The following NBEA variants were observed in gnomAD, a reference collection of about 807,000 sequenced individuals.
The protein encoded by NBEA is neurobeachin, also known as lysosomal-trafficking regulator 2.
In NBEA, 44 loss-of-function variants were observed where a neutral mutation model predicts 343.4. That is an observed-to-expected ratio of 0.13 (90% confidence interval 0.10 to 0.16). The LOEUF is 0.16. NBEA is among the 10% of genes least tolerant of loss of function. The pLI is 1.00. For synonymous variants in NBEA, 1,175 were observed against 1,238.7 expected, an observed-to-expected ratio of 0.95 and a Z score of 1.08; for missense variants, 2,555 against 3,631.3, an observed-to-expected ratio of 0.70 and a Z score of 7.62.
At chr13:35,598,655 T>C (rs940172585) in intron 47 of NBEA, among the ~76,000 whole-genome samples, 1 of 152,216 alleles carries the variant, frequency 6.6e-6, no homozygotes, top group African/African-American at 2.4e-5. Context: ...TGAATTAGGA[T>C]ACTGTTTATA....
At chr13:35,027,304 G>C (rs899451696) in intron 1 of NBEA, among the ~76,000 whole-genome samples, 3 of 151,620 alleles carry the variant, frequency 2.0e-5, no homozygotes, top group Non-Finnish European at 2.9e-5. Flanking sequence ...TGTATGTTTA[G>C]TTTTGTAATA....
intron 40 of NBEA, among the ~76,000 whole-genome samples, chr13:35,465,695 A>AC (rs2075360466): frequency 6.6e-6 from 1 of 152,206 alleles, no homozygotes; most frequent in Non-Finnish European, 1.5e-5. Context: ...CTGAACATTG[A>AC]AACTATCACT....
In NBEA at chr13:35,382,693, T is replaced by C. The variant is rs554793982; in HGVS notation, c.6179+30370T>C. Among the ~76,000 whole-genome samples, 29 of 152,336 alleles carry C rather than the reference T, an allele frequency of 1.9e-4. No individual in the cohort carries two copies. The East Asian group carries it at 3.1e-3, about 16-fold the overall frequency. ...TGTTTTTTAAATCACAACTTTTTAA[T>C]AGGTTTACATTTTCCAAAAAGTGTA... On this transcript the variant is annotated intron_variant, in intron 38 of 58. Transcript: ENST00000379939.
chr13:35,606,569 C>T lies in NBEA; in HGVS notation c.7440C>T (p.Ile2480=). The change falls in exon 48 of 59, where the codon ATC becomes ATT. Residue 2480 remains isoleucine, a synonymous_variant. Coordinates refer to ENST00000379939, the MANE Select transcript of NBEA (RefSeq NM_001385012.1). ...AAAAACCTGAAGACTTTGTGCGGAT[C>T]AACAGGATGGTAAGAGAGATTTTGC... ...WAKKPEDFVR[I]NRMALESEFV... 1 of 1,600,574 alleles carries T rather than the reference C, an allele frequency of 6.2e-7. No individual in the cohort carries two copies. Among genetic ancestry groups the T allele is most frequent in the Non-Finnish European group, 8.5e-7 (1 of 1,171,566 alleles).
At chr13:35,648,110 A>G (rs2084327920) in intron 51 of NBEA, among the ~76,000 whole-genome samples, 1 of 140,844 alleles carries the variant, frequency 7.1e-6, no homozygotes, top group Non-Finnish European at 1.5e-5. Context: ...ACTCCTGGGG[A>G]CCCTCAGTCT....
chr13:34,970,442 T>A (rs559968779), intron 1 of NBEA, among the ~76,000 whole-genome samples: 29 of 152,320 alleles, frequency 1.9e-4, no homozygotes, highest in African/African-American at 7.0e-4. Context: ...GTCTTCATCA[T>A]GAAATCTTTG....
rs71078077 is a variant in NBEA, at chr13:35,059,743, C to CATATAT, written c.1239+892_1239+897dup. ...TGCATTGGTATTTCTCTTTGTATGT[C>CATATAT]ATATATATATATATATACAGAGAGA... On this transcript the variant is annotated intron_variant, in intron 8 of 58. Coordinates refer to ENST00000379939, the MANE Select transcript of NBEA (RefSeq NM_001385012.1). 5.1e-4 allele frequency among the ~76,000 whole-genome samples: 75 copies of CATATAT among 145,858 alleles called. 1 individual carries two copies. The highest frequency in any genetic ancestry group is 3.6e-3 in the East Asian group (18 of 5,034).
intron 1 of NBEA, among the ~76,000 whole-genome samples, chr13:34,984,907 G>A (rs1265935689): frequency 6.6e-6 from 1 of 151,078 alleles, no homozygotes; most frequent in African/African-American, 2.4e-5. Context: ...AGACTTTGCT[G>A]AAGTTGCTTA....
At chr13:35,668,985 T>G (rs1308236361) in intron 58 of NBEA, among the ~76,000 whole-genome samples, 1 of 152,234 alleles carries the variant, frequency 6.6e-6, no homozygotes, top group Non-Finnish European at 1.5e-5. Flanking sequence ...CACTCACGCA[T>G]TACCCAGAAC....
At chr13:35,489,758 G>A (rs1594792527) in intron 41 of NBEA, among the ~76,000 whole-genome samples, 1 of 151,734 alleles carries the variant, frequency 6.6e-6, no homozygotes, top group East Asian at 1.9e-4. Context: ...TAATAGCATA[G>A]AAAATATAAA....
intron 34 of NBEA, among the ~76,000 whole-genome samples, chr13:35,276,738 T>C (rs2034613131): frequency 6.6e-6 from 1 of 152,198 alleles, no homozygotes; most frequent in Admixed American, 6.5e-5. Flanking sequence ...CCAAGTAATT[T>C]ATATACTTAT....
intron 38 of NBEA, among the ~76,000 whole-genome samples, chr13:35,366,370 A>G (rs1043977139): frequency 6.6e-6 from 1 of 151,350 alleles, no homozygotes; most frequent in Non-Finnish European, 1.5e-5. Flanking sequence ...TATATATTAT[A>G]TTTTCTGATA....
intron 1 of NBEA, among the ~76,000 whole-genome samples, chr13:34,962,322 G>A (rs1432439528): frequency 6.6e-6 from 1 of 151,790 alleles, no homozygotes; most frequent in Non-Finnish European, 1.5e-5. Flanking sequence ...CCTTTATATT[G>A]TTCAAGTCAT....
chr13:35,151,029 AGCTTG>A (rs2152703856), intron 18 of NBEA, among the ~76,000 whole-genome samples: 1 of 151,606 alleles, frequency 6.6e-6, no homozygotes, highest in African/African-American at 2.4e-5. Flanking sequence ...GAAGTAGAAT[AGCTTG>A]AACCTGGGAG....
chr13:34,970,103 A>G (rs966755558), intron 1 of NBEA, among the ~76,000 whole-genome samples: 8 of 152,012 alleles, frequency 5.3e-5, no homozygotes, highest in Admixed American at 3.9e-4. Context: ...CTGGTGTGAG[A>G]TTGTATCTCA....
chr13:35,341,713 A>G (rs2039595462), intron 36 of NBEA, among the ~76,000 whole-genome samples: 1 of 152,072 alleles, frequency 6.6e-6, no homozygotes, highest in African/African-American at 2.4e-5. Flanking sequence ...ATAATGTTTA[A>G]AACAGACAAC....
At chr13:35,054,934 G>A (rs2063197632) in intron 6 of NBEA, among the ~76,000 whole-genome samples, 1 of 151,888 alleles carries the variant, frequency 6.6e-6, no homozygotes, top group Non-Finnish European at 1.5e-5. Flanking sequence ...ATGAGCCACC[G>A]TGCCCAGCCT....
chr13:35,668,774 C>T (rs757257385), intron 58 of NBEA, among the ~76,000 whole-genome samples: 9 of 152,210 alleles, frequency 5.9e-5, no homozygotes, highest in Non-Finnish European at 1.0e-4. Flanking sequence ...GGGCCCAAGA[C>T]ATAGAACTTA....
chr13:35,183,426 C>G (rs1224945418), intron 29 of NBEA, among the ~76,000 whole-genome samples: 1 of 152,022 alleles, frequency 6.6e-6, no homozygotes, highest in Non-Finnish European at 1.5e-5. Context: ...GGTCAAATCT[C>G]TGCATCTTGT....
Sources: allele counts gnomAD v4.1 joint callset (sites outside exome capture counted in the v4.1 genomes callset), GRCh38; gene constraint gnomAD v4.1.1; transcripts MANE v1.5; gene names NCBI Gene and HGNC (gene_info 2026-07-23, HGNC 2026-07-21).